Variants in CDK15 observed in about 807,000 individuals in gnomAD.
CDK15 encodes the protein cyclin-dependent kinase 15.
Under a neutral mutation model 60.3 loss-of-function variants are expected in CDK15, and 62 were observed. The observed-to-expected ratio is 1.03, with a 90% CI of 0.84 to 1.27. The LOEUF is 1.27. Among genes scored for constraint, CDK15 ranks in the 50% most tolerant of loss-of-function variants. CDK15 has a pLI of 0.00. For missense variants in CDK15, 541 were observed against 527.8 expected, an observed-to-expected ratio of 1.03 and a Z score of -0.25; for synonymous variants, 194 against 195.7, an observed-to-expected ratio of 0.99 and a Z score of 0.07.
intron 3 of CDK15, among the ~76,000 whole-genome samples, chr2:201,809,184 G>A (rs1032542986): frequency 6.6e-6 from 1 of 152,130 alleles, no homozygotes; most frequent in East Asian, 1.9e-4. Flanking sequence ...CTGTTTTCAA[G>A]GTGGCTCGGA....
intron 4 of CDK15, among the ~76,000 whole-genome samples, chr2:201,813,372 T>C (rs904672379): frequency 6.6e-6 from 1 of 152,228 alleles, no homozygotes; most frequent in Non-Finnish European, 1.5e-5. Flanking sequence ...AAAAATATAA[T>C]TTATCAACCT....
chr2:201,857,228 G>A lies in CDK15; in HGVS notation c.1009+2291G>A, dbSNP rs1230165589. ...GACCTGGGCGACAGAGCGAGACTCC[G>A]TCTCAAAAAAAAAAAAAAAAGATAA... On this transcript the variant is annotated intron_variant, in intron 10 of 13. Coordinates refer to ENST00000652192, the MANE Select transcript of CDK15 (RefSeq NM_001366386.2). Among the ~76,000 whole-genome samples the A allele has an allele frequency of 1.0e-4, 4 of 39,736 alleles. 2 individuals are homozygous for A. Among genetic ancestry groups the A allele is most frequent in the African/African-American group, 1.8e-4 (4 of 22,732 alleles). The allele number at this position is 39,736 out of a possible 152,430, so 26.1% of individuals were successfully genotyped here.
At chr2:201,881,476 G>A (rs1699274966) in intron 12 of CDK15, among the ~76,000 whole-genome samples, 1 of 152,194 alleles carries the variant, frequency 6.6e-6, no homozygotes, top group Non-Finnish European at 1.5e-5. Context: ...AAAAGAGGGT[G>A]AGGAAGAGGA....
chr2:201,838,191 A>C (rs1697209639), intron 8 of CDK15, among the ~76,000 whole-genome samples: 1 of 151,934 alleles, frequency 6.6e-6, no homozygotes, highest in South Asian at 2.1e-4. Flanking sequence ...ACCAGGGAGC[A>C]ATTTTGCTCT....
chr2:201,867,111 C>T (rs1698663603), intron 10 of CDK15, among the ~76,000 whole-genome samples: 1 of 152,150 alleles, frequency 6.6e-6, no homozygotes, highest in African/African-American at 2.4e-5. Flanking sequence ...CATCCCTGAA[C>T]AAACATATTA....
intron 11 of CDK15, among the ~76,000 whole-genome samples, chr2:201,875,945 C>G (rs1699060831): frequency 6.6e-6 from 1 of 152,162 alleles, no homozygotes; most frequent in Non-Finnish European, 1.5e-5. Context: ...ACTAGAAGGA[C>G]TGATTTATCA....
At chr2:201,864,351 T>C (rs1170324398) in intron 10 of CDK15, among the ~76,000 whole-genome samples, 3 of 152,198 alleles carry the variant, frequency 2.0e-5, no homozygotes, top group Non-Finnish European at 4.4e-5. Context: ...GAAGTCTCAC[T>C]CTGTCACCCA....
intron 11 of CDK15, chr2:201,876,484 T>G (rs1187646449): frequency 9.2e-6 from 7 of 763,552 alleles, no homozygotes; most frequent in Non-Finnish European, 1.4e-5. Flanking sequence ...GGGGTGGAGT[T>G]GGCTTGTACA....
intron 3 of CDK15, among the ~76,000 whole-genome samples, chr2:201,809,285 A>C (rs1695648607): frequency 2.0e-5 from 3 of 152,216 alleles, no homozygotes; most frequent in Non-Finnish European, 4.4e-5. Context: ...TGTTCTGCAC[A>C]GACCTTTCCA....
chr2:201,835,602 G>A (rs377241539), intron 7 of CDK15, 41 bp from the exon 8 acceptor site: 29 of 1,492,782 alleles, frequency 1.9e-5, no homozygotes, highest in Non-Finnish European at 2.6e-5. Flanking sequence ...TGCAAGCCAA[G>A]GTCCAGAACG....
At chr2:201,892,913 G>T (rs958030653) in intron 13 of CDK15, among the ~76,000 whole-genome samples, 1 of 152,164 alleles carries the variant, frequency 6.6e-6, no homozygotes, top group Admixed American at 6.5e-5. Flanking sequence ...TCAAAATGTC[G>T]GTTTCAGGCA....
chr2:201,880,007 T>G, intron 11 of CDK15, 21 bp from the exon 12 acceptor site: 1 of 1,612,494 alleles, frequency 6.2e-7, no homozygotes, highest in Non-Finnish European at 8.5e-7. Flanking sequence ...GAAACTCTAT[T>G]TTTCTCTCCC....
At chr2:201,890,056 G>GAAAAAAAAAAAA (rs1163431033) in intron 12 of CDK15, among the ~76,000 whole-genome samples, 3 of 96,104 alleles carry the variant, frequency 3.1e-5, no homozygotes. Context: ...CTCAAAAAAA[G>GAAAAAAAAAAAA]AAAAAAAAAA....
At chr2:201,870,919 C>G (rs1049882021) in intron 10 of CDK15, among the ~76,000 whole-genome samples, 3 of 152,154 alleles carry the variant, frequency 2.0e-5, no homozygotes, top group Non-Finnish European at 4.4e-5. Context: ...ATAGAAGAAG[C>G]ATTCAGTTAG....
chr2:201,837,780 A>G (rs1697194217), intron 8 of CDK15, among the ~76,000 whole-genome samples: 1 of 152,216 alleles, frequency 6.6e-6, no homozygotes, highest in Non-Finnish European at 1.5e-5. Context: ...GAAAGGGTTT[A>G]TATAAAAACA....
chr2:201,888,789 C>T, intron 12 of CDK15: 1 of 1,156,856 alleles, frequency 8.6e-7, no homozygotes, highest in African/African-American at 1.6e-5. Flanking sequence ...GGAGGGAAAT[C>T]CCAGCTTTTC....
chr2:201,811,286 G>C (rs1695755383), intron 3 of CDK15, among the ~76,000 whole-genome samples: 1 of 151,890 alleles, frequency 6.6e-6, no homozygotes, highest in Admixed American at 6.6e-5. Flanking sequence ...CAGTAGCTGG[G>C]ACTACAGGTG....
In CDK15 at chr2:201,873,777, G is replaced by A. The variant is rs561613677; in HGVS notation, c.1058+1451G>A. On this transcript the variant is annotated intron_variant, in intron 11 of 13. Transcript: ENST00000652192. ...ACACAGGAAGTAATGTCTAGGCTGG[G>A]CCCGGTGGCTTACGCCTGTAATCCC... Among the ~76,000 whole-genome samples, 5 of 152,350 alleles carry A rather than the reference G, an allele frequency of 3.3e-5. No individual in the cohort carries two copies. The East Asian group carries it at 5.8e-4, about 18-fold the overall frequency.
At chr2:201,836,210 T>TATATATATGTA (rs1403407583) in intron 8 of CDK15, among the ~76,000 whole-genome samples, 1 of 128,040 alleles carries the variant, frequency 7.8e-6, no homozygotes, top group African/African-American at 2.9e-5. Context: ...TATATATGTA[T>TATATATATGTA]TTTTTTTTTT....
Sources: gnomAD v4.1 joint callset for allele counts (sites outside exome capture counted in the v4.1 genomes callset) on GRCh38, gnomAD v4.1.1 for gene constraint, MANE v1.5 for transcripts, NCBI Gene and HGNC (gene_info 2026-07-23, HGNC 2026-07-21) for gene names.